Variants in KATNAL2 observed in about 807,000 individuals in gnomAD.
The protein encoded by KATNAL2 is katanin catalytic subunit A1 like 2.
A neutral mutation model predicts 76.3 loss-of-function variants in KATNAL2; 52 were observed. The observed-to-expected ratio is 0.68, with a 90% CI of 0.55 to 0.86. KATNAL2 has a LOEUF of 0.86. Among genes scored for constraint, KATNAL2 ranks in the 40% least tolerant of loss-of-function variants. The pLI is 0.00. For synonymous variants in KATNAL2, 243 were observed against 244.2 expected (o/e 1.00, Z 0.05); for missense variants, 660 against 668.9 (o/e 0.99, Z 0.15).
intron 1 of KATNAL2, among the ~76,000 whole-genome samples, chr18:46,928,869 C>T (rs1009931972): frequency 1.3e-5 from 2 of 152,148 alleles, no homozygotes; most frequent in Non-Finnish European, 2.9e-5. Context: ...GATCTTGGCT[C>T]GCTGCAACCT....
intron 3 of KATNAL2, among the ~76,000 whole-genome samples, chr18:46,952,379 C>T (rs2059584088): frequency 6.8e-6 from 1 of 146,700 alleles, no homozygotes; most frequent in South Asian, 2.2e-4. Flanking sequence ...CCATTGCACT[C>T]AGCCTGCAGG....
chr18:46,930,918 T>C (rs747251182), intron 1 of KATNAL2, among the ~76,000 whole-genome samples: 7 of 151,850 alleles, frequency 4.6e-5, no homozygotes, highest in Non-Finnish European at 1.0e-4. Context: ...CTGGCCAACA[T>C]GGTGAAACCT....
At position 47,032,414 on chromosome 18, in the gene KATNAL2, G is replaced by C. The variant is rs1315832403; in HGVS notation, c.52-14043G>C. Among the ~76,000 whole-genome samples the C allele has an allele frequency of 2.0e-5, 3 of 152,158 alleles. No individual in the cohort carries two copies. The East Asian group carries it at 5.8e-4, about 29-fold the overall frequency. On this transcript the variant is annotated intron_variant, in intron 3 of 17. Coordinates refer to ENST00000683218, the MANE Select transcript of KATNAL2 (RefSeq NM_001387690.1). ...TGGACCGTGCCACCATGCCAGGCTA[G>C]TTTTGATATCTTTTGCAGAGACGGG... is the stretch of plus-strand genomic sequence containing the variant.
At position 47,061,219 on chromosome 18, in the gene KATNAL2, G is replaced by A. The variant is rs148737162; in HGVS notation, c.549+1565G>A. On this transcript the variant is annotated intron_variant, in intron 8 of 17. Coordinates refer to ENST00000683218, the MANE Select transcript of KATNAL2 (RefSeq NM_001387690.1). ...GCTATAAAGGAATACCTGAGGCTGAGTAGTTTATAAAGAAAAGAGATTTAT... is the reference window on the plus strand; with the variant it reads ...GCTATAAAGGAATACCTGAGGCTGAATAGTTTATAAAGAAAAGAGATTTAT... 5.9e-5 allele frequency among the ~76,000 whole-genome samples: 9 copies of A among 152,312 alleles called. No homozygotes were observed. The East Asian group carries it at 1.7e-3, about 29-fold the overall frequency.
intron 1 of KATNAL2, among the ~76,000 whole-genome samples, chr18:46,945,549 C>CA (rs1197453037): frequency 6.6e-6 from 1 of 152,100 alleles, no homozygotes; most frequent in Admixed American, 6.6e-5. Context: ...TGAGACTGGA[C>CA]AGGAAGGGTG....
rs2061925013 is a variant in KATNAL2, at chr18:47,069,559, A to G, written c.967A>G (p.Ile323Val). The G allele has an allele frequency of 6.2e-7, 1 of 1,613,912 alleles. No homozygotes were observed. The highest frequency in any genetic ancestry group is 1.3e-5 in the African/African-American group (1 of 75,038). Residue 323 changes from isoleucine to valine, a missense_variant, in exon 13 of 18, where the codon ATT becomes GTT. Transcript: ENST00000683218. The stretch of plus-strand genomic sequence containing the variant: ...CTTCTTTAACATTTCTGCATCCACC[A>G]TTGTCAGCAAATGGAGAGGGGATTC... ...TTFFNISASTIVSKWRGDSEK... is the reference protein window; with the variant it reads ...TTFFNISASTVVSKWRGDSEK...
Position 47,100,868 on chromosome 18 carries a change from A to G in KATNAL2, c.1480A>G (p.Ser494Gly). 6.2e-7 allele frequency: 1 copy of G among 1,614,168 alleles called. No homozygotes were observed. The highest frequency in any genetic ancestry group is 8.5e-7 in the Non-Finnish European group (1 of 1,180,016). Residue 494 changes from serine to glycine, a missense_variant and splice_region_variant, in exon 18 of 18, where the codon AGC (serine) becomes GGC (glycine). Coordinates refer to ENST00000683218, the MANE Select transcript of KATNAL2 (RefSeq NM_001387690.1). ...TTACTGTTGTGTTCTTATCCTAGAA[A>G]GCAGCGACTTACCCAGGATCCAGTT... Reference protein sequence around the residue: ...FDALENHQSESSDLPRIQLDI... With the variant: ...FDALENHQSEGSDLPRIQLDI...
In KATNAL2 at chr18:47,086,385, C is replaced by T. The variant is rs150407812; in HGVS notation, c.1211+8924C>T. On this transcript the variant is annotated intron_variant, in intron 15 of 17. Transcript: ENST00000683218. ...GTGCTGGAGTGCAGTGGCACGATCT[C>T]GGCTCACCACAACCTCTGCCTCCCG... is the stretch of plus-strand genomic sequence containing the variant. Among the ~76,000 whole-genome samples, 1,459 of 152,188 alleles carry T rather than the reference C, an allele frequency of 9.6e-3. 11 individuals are homozygous for T. Among genetic ancestry groups the T allele is most frequent in the Non-Finnish European group, 0.016 (1,087 of 68,014 alleles).
chr18:47,101,129 C>G lies in KATNAL2; in HGVS notation c.*124C>G. The G allele has an allele frequency of 9.4e-7, 1 of 1,065,132 alleles. No individual in the cohort carries two copies. The allele number at this position is 1,065,132 out of a possible 1,614,324, so 66.0% of individuals were successfully genotyped here. ...AAATTATTTTTGAAGACTGGATTAA[C>G]TTGAGCCACTGTATTGTTTTGGATA... On this transcript the variant is annotated 3_prime_UTR_variant, in exon 18 of 18. Transcript: ENST00000683218.
intron 7 of KATNAL2, among the ~76,000 whole-genome samples, chr18:47,059,265 C>T (rs945561100): frequency 5.3e-5 from 8 of 152,144 alleles, no homozygotes; most frequent in African/African-American, 1.4e-4. Flanking sequence ...GACGAGCCAG[C>T]GAATGGGGAT....
intron 7 of KATNAL2, 24 bp from the exon 8 acceptor site, chr18:47,059,532 G>A: frequency 1.3e-6 from 2 of 1,529,270 alleles, no homozygotes; most frequent in Admixed American, 1.7e-5. Flanking sequence ...CACAGCCGAT[G>A]TGTCCTTGTC....
At chr18:47,034,817 C>T (rs755028394) in intron 3 of KATNAL2, 18 of 1,612,146 alleles carry the variant, frequency 1.1e-5, no homozygotes, top group Middle Eastern at 2.1e-4. Context: ...GCTCTGGGCT[C>T]GCGACTGTGA....
intron 15 of KATNAL2, among the ~76,000 whole-genome samples, chr18:47,079,272 G>C (rs929513051): frequency 1.3e-5 from 2 of 152,136 alleles, no homozygotes; most frequent in African/African-American, 4.8e-5. Context: ...TTTATATTCA[G>C]ATTTCCCAAT....
chr18:47,036,848 G>T (rs1205142316), intron 3 of KATNAL2, among the ~76,000 whole-genome samples: 1 of 152,186 alleles, frequency 6.6e-6, no homozygotes, highest in South Asian at 2.1e-4. Context: ...TTCTGGATCT[G>T]TAGACACTTC....
At chr18:47,071,913 A>G (rs2062016045) in intron 13 of KATNAL2, among the ~76,000 whole-genome samples, 1 of 149,028 alleles carries the variant, frequency 6.7e-6, no homozygotes, top group African/African-American at 2.4e-5. Context: ...AATTAAAAAA[A>G]AAAAAAAGAG....
intron 3 of KATNAL2, chr18:47,033,659 C>G (rs1158991586): frequency 6.2e-7 from 1 of 1,614,086 alleles, no homozygotes; most frequent in African/African-American, 1.3e-5. Context: ...TTTCTAAGCA[C>G]CTGGGCACAC....
chr18:47,045,934 C>T (rs941412380), intron 3 of KATNAL2, among the ~76,000 whole-genome samples: 12 of 152,196 alleles, frequency 7.9e-5, no homozygotes, highest in African/African-American at 2.4e-4. Flanking sequence ...ATGGCCTCTG[C>T]TATTCTCAGT....
intron 15 of KATNAL2, among the ~76,000 whole-genome samples, chr18:47,097,118 C>CAAAAAAAAAA (rs58101085): frequency 9.3e-4 from 66 of 70,874 alleles, no homozygotes; most frequent in East Asian, 2.8e-3. Context: ...GACCCTGGCT[C>CAAAAAAAAAA]AAAAAAAAAA....
intron 5 of KATNAL2, 64 bp from the exon 6 acceptor site, chr18:47,054,331 GA>G: frequency 2.1e-6 from 3 of 1,443,220 alleles, no homozygotes; most frequent in South Asian, 2.3e-5. Context: ...AAACATACCT[GA>G]AAAAAATCAC....
Sources: gnomAD v4.1 joint callset for allele counts (sites outside exome capture counted in the v4.1 genomes callset) on GRCh38, gnomAD v4.1.1 for gene constraint, MANE v1.5 for transcripts, NCBI Gene and HGNC (gene_info 2026-07-23, HGNC 2026-07-21) for gene names.